The following NEMF variants were observed in gnomAD, a reference collection of about 807,000 sequenced individuals.
NEMF encodes nuclear export mediator factor, also known as ribosome quality control complex subunit NEMF.
A neutral mutation model predicts 162.2 loss-of-function variants in NEMF; 89 were observed. That is an observed-to-expected ratio of 0.55 (90% CI 0.46 to 0.65). The LOEUF (loss-of-function observed/expected upper bound fraction) is 0.65. Among genes scored for constraint, NEMF ranks in the 30% least tolerant of loss-of-function variants. The probability of loss-of-function intolerance (pLI) is 0.00; values close to 1 mark genes in which losing one functional copy is unlikely to be tolerated. For missense variants in NEMF, 1,133 were observed against 1,261.9 expected, an observed-to-expected ratio of 0.90 and a Z score of 1.55; for synonymous variants, 421 against 404.5, an observed-to-expected ratio of 1.04 and a Z score of -0.49.
intron 10 of NEMF, 23 bp downstream of exon 10, chr14:49,832,028 A>C (rs1416462229): frequency 1.3e-6 from 2 of 1,540,406 alleles, no homozygotes; most frequent in Non-Finnish European, 1.8e-6. Flanking sequence ...CTAACTGGTA[A>C]AGGAACAGAA....
Position 49,841,645 on chromosome 14 carries a change from G to A in NEMF, c.358-779C>T, listed in dbSNP as rs1893217802. 2.0e-5 allele frequency among the ~76,000 whole-genome samples: 3 copies of A among 151,472 alleles called. No homozygotes were observed. The South Asian group carries it at 6.2e-4, about 32-fold the overall frequency. On this transcript the variant is annotated intron_variant, in intron 4 of 32. Transcript: ENST00000298310. ...CAATTTCAGAAGCCAGCCAGGCAAG[G>A]AACATATTACACTTCCACCTGCAAT...
At chr14:49,803,173 G>A in intron 20 of NEMF, 64 bp downstream of exon 20, 1 of 1,156,198 alleles carries the variant, frequency 8.6e-7, no homozygotes, top group Non-Finnish European at 1.3e-6. Context: ...TTTGTAAACT[G>A]TCTCAAACCT....
intron 16 of NEMF, chr14:49,820,083 C>T: frequency 5.3e-6 from 1 of 187,388 alleles, no homozygotes; most frequent in Non-Finnish European, 1.1e-5. Context: ...ACCCGAGTAG[C>T]TTGGTCTACA....
At chr14:49,833,604 C>A in intron 7 of NEMF, 108 bp from the exon 8 acceptor site, 1 of 598,742 alleles carries the variant, frequency 1.7e-6, no homozygotes. Context: ...AATAATGTTG[C>A]GTTCAAGAAA....
chr14:49,786,955 G>C (rs1463869696), intron 28 of NEMF: 4 of 512,034 alleles, frequency 7.8e-6, no homozygotes, highest in Non-Finnish European at 1.4e-5. Context: ...TATTACTTAA[G>C]AAAGTAATGT....
At chr14:49,807,764 T>TTATA (rs1408638947) in intron 18 of NEMF, among the ~76,000 whole-genome samples, 1 of 151,656 alleles carries the variant, frequency 6.6e-6, no homozygotes, top group East Asian at 1.9e-4. Context: ...CGGCTAATTT[T>TTATA]TATATATATA....
In NEMF at chr14:49,810,462, T is replaced by C. The variant is rs543835214; in HGVS notation, c.1744+3526A>G. 5.9e-5 allele frequency among the ~76,000 whole-genome samples: 9 copies of C among 152,284 alleles called. No homozygotes were observed. The South Asian group carries it at 1.9e-3, about 32-fold the overall frequency. ...ACCCCTGCTGAAAATTAACTGACCA[T>C]AAACTACAGGTTTATTTCTGGAATC... is the stretch of plus-strand genomic sequence containing the variant. On this transcript the variant is annotated intron_variant, in intron 18 of 32. Transcript: ENST00000298310.
chr14:49,847,031 G>C (rs368766693), intron 3 of NEMF, among the ~76,000 whole-genome samples: 1 of 151,984 alleles, frequency 6.6e-6, no homozygotes, highest in Non-Finnish European at 1.5e-5. Flanking sequence ...AATTACAGGC[G>C]TGTGCCACCA....
chr14:49,833,398 A>G (rs1157629404), intron 8 of NEMF, 25 bp downstream of exon 8: 8 of 1,406,722 alleles, frequency 5.7e-6, no homozygotes, highest in Non-Finnish European at 7.8e-6. Context: ...TCACAACAAT[A>G]TATAGTAAGT....
At chr14:49,816,363 A>G (rs1174619285) in intron 16 of NEMF, among the ~76,000 whole-genome samples, 1 of 152,160 alleles carries the variant, frequency 6.6e-6, no homozygotes, top group African/African-American at 2.4e-5. Flanking sequence ...GACCCTTATC[A>G]GGAGTTTCTG....
intron 29 of NEMF, chr14:49,785,653 T>G (rs752760544): frequency 2.5e-5 from 6 of 237,568 alleles, no homozygotes; most frequent in Admixed American, 5.0e-5. Flanking sequence ...AGGCTCAGGC[T>G]GAGGCGGGTG....
At chr14:49,822,296 T>A (rs935353170) in intron 16 of NEMF, among the ~76,000 whole-genome samples, 857 of 63,052 alleles carry the variant, frequency 0.014, 10 homozygotes, top group African/African-American at 0.042. Flanking sequence ...TAAAAAAAAA[T>A]AAAATAAAAT....
chr14:49,822,693 A>G (rs916409662), intron 16 of NEMF, among the ~76,000 whole-genome samples: 5 of 149,572 alleles, frequency 3.3e-5, no homozygotes, highest in Non-Finnish European at 5.9e-5. Flanking sequence ...AAAAAAAAAA[A>G]AAAGAGGTAA....
chr14:49,814,441 T>C (rs1891628781), intron 17 of NEMF, among the ~76,000 whole-genome samples: 1 of 152,144 alleles, frequency 6.6e-6, no homozygotes, highest in Non-Finnish European at 1.5e-5. Context: ...ATTGCAAACT[T>C]TAACACCACT....
intron 16 of NEMF, chr14:49,818,206 G>C (rs1193498641): frequency 6.6e-6 from 1 of 151,144 alleles, no homozygotes; most frequent in East Asian, 2.0e-4. Context: ...TCCTGCCTCA[G>C]CCTCCCGAGT....
intron 5 of NEMF, chr14:49,839,322 C>A (rs1214484352): frequency 1.3e-5 from 2 of 152,090 alleles, no homozygotes; most frequent in Non-Finnish European, 2.9e-5. Context: ...CTCAGGTGAT[C>A]CATCCTCCTC....
intron 6 of NEMF, among the ~76,000 whole-genome samples, chr14:49,835,334 T>A (rs556626371): frequency 6.6e-6 from 1 of 152,308 alleles, no homozygotes; most frequent in African/African-American, 2.4e-5. Flanking sequence ...CAATGAGGAT[T>A]TATCCCTGGA....
intron 5 of NEMF, among the ~76,000 whole-genome samples, chr14:49,838,903 C>G (rs2355463): frequency 0.053 from 8,036 of 151,606 alleles, 729 homozygotes; most frequent in African/African-American, 0.18. Flanking sequence ...CAACTTTTAA[C>G]AATGCTGTAC....
At chr14:49,846,077 A>G in intron 4 of NEMF, 63 bp downstream of exon 4, 1 of 1,430,330 alleles carries the variant, frequency 7.0e-7, no homozygotes, top group Admixed American at 1.8e-5. Flanking sequence ...CATGTTATAT[A>G]GCACTATTAC....
Sources: allele counts gnomAD v4.1 joint callset (sites outside exome capture counted in the v4.1 genomes callset), GRCh38; gene constraint gnomAD v4.1.1; transcripts MANE v1.5; gene names NCBI Gene and HGNC (gene_info 2026-07-23, HGNC 2026-07-21).